The following FANCM variants were observed in gnomAD, a reference collection of about 807,000 sequenced individuals.
FANCM encodes the protein FA complementation group M, also known as Fanconi anemia group M protein.
Under a neutral mutation model 199.5 loss-of-function variants are expected in FANCM, and 140 were observed. The observed-to-expected ratio is 0.70, with a 90% CI of 0.61 to 0.81. The LOEUF is 0.81. Among genes scored for constraint, FANCM ranks in the 30% least tolerant of loss-of-function variants. FANCM has a pLI of 0.00. For missense variants in FANCM, 2,410 were observed against 2,421.4 expected (o/e 1.00, Z 0.10); for synonymous variants, 840 against 836.8 (o/e 1.00, Z -0.07).
chr14:45,143,703 T>TC (rs919769750), intron 3 of FANCM, among the ~76,000 whole-genome samples: 7 of 149,844 alleles, frequency 4.7e-5, no homozygotes, highest in African/African-American at 1.7e-4. Flanking sequence ...TTTTTTTTTT[T>TC]TTTTTTTTGA....
rs1275681669 is a variant in FANCM, at chr14:45,196,218, C to G, written c.5387C>G (p.Ser1796Cys). 8.1e-6 allele frequency: 13 copies of G among 1,614,020 alleles called. No homozygotes were observed. The East Asian group carries it at 1.6e-4, about 19-fold the overall frequency. Reference sequence around the variant, plus strand: ...TCTAGCACTTCAGGGGCATCCTGTTCCAAGTCAAGACCACATTTAGCTGGG... The same window carrying G: ...TCTAGCACTTCAGGGGCATCCTGTTGCAAGTCAAGACCACATTTAGCTGGG... Reference protein sequence around the residue: ...EDSSTSGASCSKSRPHLAGTH... With the variant: ...EDSSTSGASCCKSRPHLAGTH... Residue 1796 changes from serine (S) to cysteine (C), a missense_variant, in exon 21 of 23, where the codon TCC becomes TGC. Transcript: ENST00000267430.
Position 45,188,952 on chromosome 14 carries a change from C to T in FANCM, c.4930C>T (p.Arg1644Ter), listed in dbSNP as rs930692973. 3 of 1,613,814 alleles carry T rather than the reference C, an allele frequency of 1.9e-6. No individual in the cohort carries two copies. Among genetic ancestry groups the T allele is most frequent in the Non-Finnish European group, 1.7e-6 (2 of 1,179,926 alleles). Residue 1644 changes from arginine to a stop codon, truncating the protein, a stop_gained, in exon 20 of 23, where the codon CGA (arginine) becomes TGA (stop). Coordinates refer to ENST00000267430, the MANE Select transcript of FANCM (RefSeq NM_020937.4). LOFTEE classifies it high-confidence loss of function. ...CFANSKKYKT[R>*]RAVMLKEMME... The stretch of plus-strand genomic sequence containing the variant: ...TGCAAATAGTAAAAAGTATAAAACT[C>T]GACGTGCAGTAATGCTAAAAGAAAT...
intron 14 of FANCM, among the ~76,000 whole-genome samples, 164 bp from the exon 15 acceptor site, chr14:45,181,266 T>G (rs1889048725): frequency 6.6e-6 from 1 of 152,228 alleles, no homozygotes; most frequent in African/African-American, 2.4e-5. Flanking sequence ...GTCTCTTGTT[T>G]AGATTTTTTG....
intron 13 of FANCM, 38 bp downstream of exon 13, chr14:45,173,248 A>T: frequency 1.3e-6 from 2 of 1,561,780 alleles, no homozygotes; most frequent in Non-Finnish European, 1.8e-6. Context: ...CTGGTATGAT[A>T]GTAAAACTAG....
chr14:45,138,954 A>T (rs1398922888), intron 2 of FANCM, among the ~76,000 whole-genome samples: 2 of 152,228 alleles, frequency 1.3e-5, no homozygotes, highest in Non-Finnish European at 2.9e-5. Flanking sequence ...ATAGTTCTGG[A>T]AGGCATATTG....
intron 12 of FANCM, among the ~76,000 whole-genome samples, chr14:45,171,967 C>T (rs1888370358): frequency 6.6e-6 from 1 of 152,102 alleles, no homozygotes; most frequent in African/African-American, 2.4e-5. Context: ...CTAATTTACA[C>T]TCCCACCAGC....
chr14:45,192,202 A>AT (rs1889806982), intron 20 of FANCM, among the ~76,000 whole-genome samples: 1 of 152,224 alleles, frequency 6.6e-6, no homozygotes, highest in Admixed American at 6.5e-5. Flanking sequence ...AGAGCCAGTC[A>AT]TCTGCAAAAT....
At chr14:45,161,015 G>A (rs191113134) in intron 9 of FANCM, among the ~76,000 whole-genome samples, 25 of 152,178 alleles carry the variant, frequency 1.6e-4, no homozygotes, top group African/African-American at 5.8e-4. Context: ...TAACATATAT[G>A]TATGAATGAA....
chr14:45,170,811 A>C (rs933830200), intron 12 of FANCM, 65 bp downstream of exon 12: 1 of 1,308,220 alleles, frequency 7.6e-7, no homozygotes, highest in Non-Finnish European at 1.1e-6. Context: ...AACCCCTCAG[A>C]TGTTCTTTAT....
chr14:45,182,921 A>G (rs1889159038), intron 16 of FANCM, among the ~76,000 whole-genome samples: 1 of 152,188 alleles, frequency 6.6e-6, no homozygotes, highest in South Asian at 2.1e-4. Context: ...AAAATGTTGA[A>G]TATCTCATGT....
chr14:45,142,730 A>G (rs913920361), intron 3 of FANCM, among the ~76,000 whole-genome samples: 7 of 152,050 alleles, frequency 4.6e-5, no homozygotes, highest in Non-Finnish European at 1.0e-4. Context: ...GACGTTATGC[A>G]TTTGCTAACA....
At chr14:45,153,399 T>C (rs1351180313) in intron 5 of FANCM, among the ~76,000 whole-genome samples, 1 of 152,232 alleles carries the variant, frequency 6.6e-6, no homozygotes, top group Non-Finnish European at 1.5e-5. Context: ...GTCAGATATT[T>C]TCACAGGACG....
In FANCM at chr14:45,135,977, T is replaced by C. The variant is rs2139098712; in HGVS notation, c.-55T>C. On this transcript the variant is annotated 5_prime_UTR_variant, in exon 1 of 23. Transcript: ENST00000267430. ...CCGATGGGGATCGGAACCGTAGCGG[T>C]TGAGCTGCTGCTGCTACGGATATCT... 6.3e-7 allele frequency: 1 copy of C among 1,595,616 alleles called. No homozygotes were observed. Among genetic ancestry groups the C allele is most frequent in the Non-Finnish European group, 8.6e-7 (1 of 1,165,858 alleles).
intron 2 of FANCM, among the ~76,000 whole-genome samples, chr14:45,140,070 G>T (rs545638897): frequency 1.3e-5 from 2 of 152,050 alleles, no homozygotes; most frequent in South Asian, 4.1e-4. Context: ...ATATAATTTC[G>T]TATTGCTATT....
At chr14:45,163,529 T>G (rs1430699631) in intron 9 of FANCM, among the ~76,000 whole-genome samples, 1 of 152,230 alleles carries the variant, frequency 6.6e-6, no homozygotes, top group African/African-American at 2.4e-5. Flanking sequence ...ATTAACTTTT[T>G]CATTAACTCC....
intron 20 of FANCM, among the ~76,000 whole-genome samples, chr14:45,192,631 A>C (rs1015725250): frequency 6.6e-6 from 1 of 152,100 alleles, no homozygotes; most frequent in African/African-American, 2.4e-5. Flanking sequence ...CAACATAGCG[A>C]GACTCCATCT....
rs371849590 is a variant in FANCM, at chr14:45,153,887, T to C, written c.1051-33T>C. 18 of 1,587,976 alleles carry C rather than the reference T, an allele frequency of 1.1e-5. No homozygotes were observed. In the African/African-American group the frequency reaches 2.4e-4, roughly 21 times the overall value. On this transcript the variant is annotated intron_variant, in intron 5 of 22. Transcript: ENST00000267430. ...TGGAGCATGTATGTTCATTTATTTCTCTGGTTAAATTTGACATATGCTGTT... is the reference window on the plus strand; with the variant it reads ...TGGAGCATGTATGTTCATTTATTTCCCTGGTTAAATTTGACATATGCTGTT...
At position 45,159,267 on chromosome 14, in the gene FANCM, A is replaced by G. The variant is rs1887413811; in HGVS notation, c.1568A>G (p.Lys523Arg). The G allele has an allele frequency of 6.2e-7, 1 of 1,612,004 alleles. No homozygotes were observed. Among genetic ancestry groups the G allele is most frequent in the Admixed American group, 1.7e-5 (1 of 59,972 alleles). The change falls in exon 9 of 23, where the codon AAG becomes AGG. Residue 523 changes from lysine (K) to arginine (R), a missense_variant. Coordinates refer to ENST00000267430, the MANE Select transcript of FANCM (RefSeq NM_020937.4). The part of the protein sequence containing the change: ...SGKSTKGFTQ[K>R]EQLEVVKQFR... ...AAAAGCACGAAGGGTTTTACCCAGA[A>G]GGAGCAACTGGAGGTAATTATTTTT...
intron 20 of FANCM, among the ~76,000 whole-genome samples, chr14:45,190,859 T>C (rs1173715669): frequency 1.3e-5 from 2 of 152,126 alleles, no homozygotes; most frequent in African/African-American, 2.4e-5. Flanking sequence ...ATCTATAGTA[T>C]AGAGATTAAA....
Sources: gnomAD v4.1 joint callset for allele counts (sites outside exome capture counted in the v4.1 genomes callset) on GRCh38, gnomAD v4.1.1 for gene constraint, MANE v1.5 for transcripts, NCBI Gene and HGNC (gene_info 2026-07-23, HGNC 2026-07-21) for gene names.